ZNF180: variants seen among roughly 807,000 people sequenced by gnomAD.
ZNF180 encodes the protein zinc finger protein 180 (HHZ168).
In ZNF180, 11 loss-of-function variants were observed where a neutral mutation model predicts 11.8. That is an observed-to-expected ratio of 0.93 (90% CI 0.59 to 1.55). ZNF180 has a LOEUF of 1.55. Among genes scored for constraint, ZNF180 ranks in the 40% most tolerant of loss-of-function variants. The probability of loss-of-function intolerance (pLI) is 0.00; values close to 1 mark genes in which losing one functional copy is unlikely to be tolerated. For missense variants in ZNF180, 773 were observed against 781.7 expected (o/e 0.99, Z 0.13); for synonymous variants, 287 against 257.7 (o/e 1.11, Z -1.09).
chr19:44,477,039 A>C lies in ZNF180; in HGVS notation c.1361T>G (p.Ile454Ser). Reference protein sequence around the residue: ...GKSFIQSYKLIAHQRIHTGEK... With the variant: ...GKSFIQSYKLSAHQRIHTGEK... ...CCCAGTATGAATTCTTTGATGTGCA[A>C]TAAGTTTATAGCTCTGGATAAATGA... is the stretch of plus-strand genomic sequence containing the variant. Residue 454 changes from isoleucine to serine, a missense_variant, in exon 5 of 5, where the codon ATT becomes AGT. Coordinates refer to ENST00000592529, the MANE Select transcript of ZNF180 (RefSeq NM_001278509.3). 6.2e-7 allele frequency: 1 copy of C among 1,613,872 alleles called. No individual in the cohort carries two copies. Among genetic ancestry groups the C allele is most frequent in the Non-Finnish European group, 8.5e-7 (1 of 1,179,964 alleles).
At chr19:44,500,148 G>A (rs1970708534) in intron 1 of ZNF180, 127 bp downstream of exon 1, 3 of 1,613,602 alleles carry the variant, frequency 1.9e-6, no homozygotes, top group Non-Finnish European at 2.5e-6. Context: ...CCGGTGACCC[G>A]AGGCTAAAGC....
At chr19:44,497,751 C>T (rs1970629968) in intron 1 of ZNF180, among the ~76,000 whole-genome samples, 1 of 152,120 alleles carries the variant, frequency 6.6e-6, no homozygotes, top group African/African-American at 2.4e-5. Flanking sequence ...TGAGGACCCC[C>T]TGGTGTTCAC....
At chr19:44,488,138 ACGG>A (rs1970286051) in intron 2 of ZNF180, among the ~76,000 whole-genome samples, 1 of 110,564 alleles carries the variant, frequency 9.0e-6, no homozygotes, top group Non-Finnish European at 1.8e-5. Context: ...TTCTCTTTCC[ACGG>A]TCTCCCTCTC....
intron 2 of ZNF180, among the ~76,000 whole-genome samples, chr19:44,491,356 A>G (rs1970446041): frequency 6.6e-6 from 1 of 152,232 alleles, no homozygotes. Context: ...CAACAAATGC[A>G]TGTGAGCCCG....
At chr19:44,497,941 A>G (rs1970633659) in intron 1 of ZNF180, among the ~76,000 whole-genome samples, 1 of 152,154 alleles carries the variant, frequency 6.6e-6, no homozygotes, top group Non-Finnish European at 1.5e-5. Context: ...TCCCTCCAGC[A>G]ACTCAGCACA....
chr19:44,484,645 GA>G, intron 2 of ZNF180: 1 of 581,658 alleles, frequency 1.7e-6, no homozygotes, highest in Non-Finnish European at 3.1e-6. Context: ...AAGGCCCACA[GA>G]TACCTGGACA....
At position 44,477,426 on chromosome 19, in the gene ZNF180, G is replaced by C. The variant is rs749878373; in HGVS notation, c.974C>G (p.Pro325Arg). ...QNMRNNSEEKPFECNQCGKSF... is the reference protein window; with the variant it reads ...QNMRNNSEEKRFECNQCGKSF... ...TTTCCCACACTGATTACATTCAAAA[G>C]GTTTCTCTTCAGAATTATTTCTCAT... Residue 325 changes from proline to arginine, a missense_variant, in exon 5 of 5, where the codon CCT becomes CGT. Physicochemically the swap from Pro to Arg is moderately radical, Grantham distance 103. Coordinates refer to ENST00000592529, the MANE Select transcript of ZNF180 (RefSeq NM_001278509.3). 6.2e-7 allele frequency: 1 copy of C among 1,614,034 alleles called. No individual in the cohort carries two copies. Among genetic ancestry groups the C allele is most frequent in the African/African-American group, 1.3e-5 (1 of 74,932 alleles).
chr19:44,476,764 C>T lies in ZNF180; in HGVS notation c.1636G>A (p.Gly546Arg), dbSNP rs770044261. The change falls in exon 5 of 5, where the codon GGG (glycine) becomes AGG (arginine). Residue 546 changes from glycine to arginine, a missense_variant. By Grantham distance (125) the Gly-to-Arg change is moderately radical. Transcript: ENST00000592529. ...HLVMHQRIHT[G>R]EKPYECNQCG... ...TGATTACATTCATACGGTTTTTCCC[C>T]AGTGTGAATTCTCTGATGCATAACA... 1 of 1,614,142 alleles carries T rather than the reference C, an allele frequency of 6.2e-7. No homozygotes were observed.
Position 44,487,684 on chromosome 19 carries a change from T to C in ZNF180, c.52-3249A>G, listed in dbSNP as rs530028323. Among the ~76,000 whole-genome samples, 258 of 152,344 alleles carry C rather than the reference T, an allele frequency of 1.7e-3. 1 individual carries two copies. Among genetic ancestry groups the C allele is most frequent in the African/African-American group, 5.6e-3 (234 of 41,580 alleles). On this transcript the variant is annotated intron_variant, in intron 2 of 4. Coordinates refer to ENST00000592529, the MANE Select transcript of ZNF180 (RefSeq NM_001278509.3). ...GAAGCCCCTGGGGCTGCTCTGCTTA[T>C]GGAGTAGCCATTCCTTATTCTTTTA...
chr19:44,476,303 ATTG>A lies in ZNF180; in HGVS notation c.*96_*98del, dbSNP rs967433751. The stretch of plus-strand genomic sequence containing the variant: ...GAGGGCTGGAAGTTTTCCCACATAT[ATTG>A]TTTTTATAGTAGTTCTTCCAACTAC... On this transcript the variant is annotated 3_prime_UTR_variant, in exon 5 of 5. Transcript: ENST00000592529. The A allele has an allele frequency of 8.5e-6, 10 of 1,169,980 alleles. No individual in the cohort carries two copies. The African/African-American group carries it at 9.4e-5, about 11-fold the overall frequency. The allele number at this position is 1,169,980 out of a possible 1,614,324, so 72.5% of individuals were successfully genotyped here. A position where few individuals can be genotyped will look rare whatever the true frequency, so the allele number is the denominator to read the frequency against.
chr19:44,489,082 C>T (rs62118146), intron 2 of ZNF180, among the ~76,000 whole-genome samples: 33,662 of 135,140 alleles, frequency 0.25, 4,242 homozygotes, highest in East Asian at 0.52. Flanking sequence ...CCCGGCCAGC[C>T]GCCCCGTCCG....
At chr19:44,486,891 A>C (rs888946027) in intron 2 of ZNF180, among the ~76,000 whole-genome samples, 26 of 152,122 alleles carry the variant, frequency 1.7e-4, no homozygotes, top group Admixed American at 3.3e-4. Context: ...AAATACAAAA[A>C]AATACAAATT....
chr19:44,492,239 G>T (rs1371154784), intron 2 of ZNF180, among the ~76,000 whole-genome samples: 1 of 152,000 alleles, frequency 6.6e-6, no homozygotes, highest in Non-Finnish European at 1.5e-5. Context: ...TTTTATCTTT[G>T]TATTCTCCTC....
chr19:44,480,438 CTATT>C (rs2123447216), intron 3 of ZNF180, among the ~76,000 whole-genome samples: 1 of 152,272 alleles, frequency 6.6e-6, no homozygotes, highest in African/African-American at 2.4e-5. Flanking sequence ...TATTCCATTT[CTATT>C]TATTAGGCCT....
Position 44,489,823 on chromosome 19 carries a change from AAGAAAGAAAAGAAG to A in ZNF180, c.52-5402_52-5389del, listed in dbSNP as rs1271689515. ...AAATAAATAAACTTGACCGAAAGAA[AAGAAAGAAAAGAAG>A]AGAAGAGATGAGAAGAGAAGAACAA... On this transcript the variant is annotated intron_variant, in intron 2 of 4. Transcript: ENST00000592529. Among the ~76,000 whole-genome samples, 6 of 99,290 alleles carry A rather than the reference AAGAAAGAAAAGAAG, an allele frequency of 6.0e-5. No individual in the cohort carries two copies. In the East Asian group the frequency reaches 1.0e-3, roughly 17 times the overall value. The allele number at this position is 99,290 out of a possible 152,430, so 65.1% of individuals were successfully genotyped here. A position where few individuals can be genotyped will look rare whatever the true frequency, so the allele number is the denominator to read the frequency against.
Position 44,495,450 on chromosome 19 carries a change from C to G in ZNF180, c.51+1834G>C, listed in dbSNP as rs1600096714. Among the ~76,000 whole-genome samples the G allele has an allele frequency of 6.6e-6, 1 of 152,090 alleles. No individual in the cohort carries two copies. The highest frequency in any genetic ancestry group is 1.9e-4 in the East Asian group (1 of 5,186). On this transcript the variant is annotated intron_variant, in intron 2 of 4. Transcript: ENST00000592529. The surrounding 1 kb of genome is among the most constrained non-coding windows in gnomAD (Gnocchi z 4.5). ...CCACATGCCGCTGGGCTCTGACACC[C>G]CTGCAGGCCACCCTCACGCATGATG...
intron 2 of ZNF180, chr19:44,484,671 G>T: frequency 1.8e-6 from 1 of 555,054 alleles, no homozygotes; most frequent in African/African-American, 1.9e-5. Flanking sequence ...GTCTTTTTGG[G>T]TCTTCTGGGC....
chr19:44,478,501 T>C (rs528376894), intron 4 of ZNF180, among the ~76,000 whole-genome samples: 4 of 152,250 alleles, frequency 2.6e-5, no homozygotes, highest in Admixed American at 6.5e-5. Flanking sequence ...TTCCACTCTT[T>C]AGTGCTACAC....
Position 44,476,620 on chromosome 19 carries a change from T to C in ZNF180, c.1780A>G (p.Thr594Ala), listed in dbSNP as rs1969885866. Residue 594 changes from threonine to alanine, a missense_variant, in exon 5 of 5, where the codon ACT (threonine) becomes GCT (alanine). By Grantham distance (58) the Thr-to-Ala change is moderately conservative (BLOSUM62 0). Transcript: ENST00000592529. ...CCAGTATGAGTTCTCTGATGTTGAGTAAGGCATGAACTCTGTCTGAAGGAC... is the reference window on the plus strand; with the variant it reads ...CCAGTATGAGTTCTCTGATGTTGAGCAAGGCATGAACTCTGTCTGAAGGAC... ...GKSFRQSSCL[T>A]QHQRTHTGEK... 2 of 1,613,984 alleles carry C rather than the reference T, an allele frequency of 1.2e-6. No homozygotes were observed. The highest frequency in any genetic ancestry group is 1.7e-5 in the Admixed American group (1 of 60,014).
Sources: gnomAD v4.1 joint callset for allele counts (sites outside exome capture counted in the v4.1 genomes callset) on GRCh38, gnomAD v4.1.1 for gene constraint, Gnocchi (gnomAD v3.1) non-coding constraint, MANE v1.5 for transcripts, NCBI Gene and HGNC (gene_info 2026-07-23, HGNC 2026-07-21) for gene names.